Variants in PNKD observed in about 807,000 individuals in gnomAD.
PNKD encodes probable thioesterase PNKD.
In PNKD, 36 loss-of-function variants were observed where a neutral mutation model predicts 45.3. That is an observed-to-expected ratio of 0.80 (90% CI 0.61 to 1.05). PNKD has a LOEUF of 1.05. Among genes scored for constraint, PNKD ranks in the 50% least tolerant of loss-of-function variants. The pLI is 0.00. For missense variants in PNKD, 511 were observed against 506.6 expected, an observed-to-expected ratio of 1.01 and a Z score of -0.08; for synonymous variants, 197 against 210.1, an observed-to-expected ratio of 0.94 and a Z score of 0.54.
intron 6 of PNKD, 46 bp downstream of exon 6, chr2:218,341,672 T>TC: frequency 7.5e-7 from 1 of 1,336,150 alleles, no homozygotes; most frequent in Non-Finnish European, 1.1e-6. Flanking sequence ...ATGGGCCCTT[T>TC]CCCCCACCCC....
At chr2:218,333,455 C>T (rs575378388) in intron 2 of PNKD, among the ~76,000 whole-genome samples, 1 of 152,226 alleles carries the variant, frequency 6.6e-6, no homozygotes, top group African/African-American at 2.4e-5. Context: ...GGGAGGACTT[C>T]CTGGCTGAAT....
At chr2:218,293,580 C>CT (rs34887009) in intron 2 of PNKD, among the ~76,000 whole-genome samples, 40,892 of 98,644 alleles carry the variant, frequency 0.41, 9,091 homozygotes, top group Middle Eastern at 0.5. Context: ...ACTGAATGTC[C>CT]TTTTTTTTTT....
rs10607945 is a variant in PNKD, at chr2:218,273,647, A to AT, written c.236+2113dup. 6.9e-3 allele frequency among the ~76,000 whole-genome samples: 996 copies of AT among 143,482 alleles called. 13 individuals carry two copies. The highest frequency in any genetic ancestry group is 0.053 in the East Asian group (260 of 4,932). 94.1% of individuals were successfully genotyped at this position (143,482 alleles called of 152,430 possible). A position where few individuals can be genotyped will look rare whatever the true frequency, so the allele number is the denominator to read the frequency against. On this transcript the variant is annotated intron_variant, in intron 2 of 9. Transcript: ENST00000273077. ...AGGCACTCACCGCCACTCCCAGTTA[A>AT]TTTTTTTTTTTTTTTGTACTTTTAG...
intron 2 of PNKD, among the ~76,000 whole-genome samples, chr2:218,295,041 G>T (rs180771381): frequency 2.0e-4 from 30 of 152,248 alleles, no homozygotes; most frequent in Non-Finnish European, 3.4e-4. Flanking sequence ...ACATCTGCCC[G>T]ACTGGGGGAG....
At chr2:218,289,621 G>A (rs1436599689) in intron 2 of PNKD, among the ~76,000 whole-genome samples, 4 of 21,400 alleles carry the variant, frequency 1.9e-4, no homozygotes, top group East Asian at 1.8e-3. Flanking sequence ...CAGCCTGGGC[G>A]ACAGAAAAAA....
rs749547648 is a variant in PNKD at position 218,340,731 on chromosome 2, T to A, written c.469T>A (p.Ser157Thr). 2 of 1,613,682 alleles carry A rather than the reference T, an allele frequency of 1.2e-6. No individual in the cohort carries two copies. The highest frequency in any genetic ancestry group is 2.2e-5 in the South Asian group (2 of 91,070). The change falls in exon 5 of 10, where the codon TCC (serine) becomes ACC (threonine). Residue 157 changes from serine (S) to threonine (T), a missense_variant. Coordinates refer to ENST00000273077, the MANE Select transcript of PNKD (RefSeq NM_015488.5). This position sits in a 1 kb window ranked among gnomAD's most constrained non-coding sequence, Gnocchi z 4.2. ...CCAAACCTCCTCTCTCTCGCAGGCT[T>A]CCATTGAAAAGGAAGGGGTCACCTT... ...DPSDPRAVQASIEKEGVTLVA... is the reference protein window; with the variant it reads ...DPSDPRAVQATIEKEGVTLVA...
At chr2:218,277,579 C>G in intron 2 of PNKD, 1 of 1,612,796 alleles carries the variant, frequency 6.2e-7, no homozygotes, top group African/African-American at 1.3e-5. Flanking sequence ...CCAGGAACAC[C>G]CCACTCCCCA....
intron 2 of PNKD, among the ~76,000 whole-genome samples, chr2:218,288,927 C>T (rs1692733388): frequency 6.6e-6 from 1 of 152,172 alleles, no homozygotes; most frequent in African/African-American, 2.4e-5. Context: ...TATTCTTACC[C>T]TCATCCCACT....
chr2:218,271,322 C>A (rs1690821599), intron 1 of PNKD, 59 bp from the exon 2 acceptor site: 1 of 1,486,374 alleles, frequency 6.7e-7, no homozygotes, highest in Admixed American at 1.7e-5. Context: ...CTGCCCCCCA[C>A]CTCCCCGCTT....
At chr2:218,296,486 T>G (rs553182378) in intron 2 of PNKD, among the ~76,000 whole-genome samples, 3 of 152,220 alleles carry the variant, frequency 2.0e-5, no homozygotes, top group East Asian at 3.9e-4. Context: ...CAGGAAAAAC[T>G]TAATTGGAGC....
chr2:218,281,909 C>T (rs1387601416), intron 2 of PNKD: 2 of 1,547,434 alleles, frequency 1.3e-6, no homozygotes, highest in Non-Finnish European at 1.8e-6. Context: ...GTCCCTCCCA[C>T]CCACCTTCCA....
At chr2:218,273,267 T>C (rs2106180227) in intron 2 of PNKD, among the ~76,000 whole-genome samples, 1 of 116,262 alleles carries the variant, frequency 8.6e-6, no homozygotes, top group South Asian at 2.1e-4. Context: ...TCATTTGTTT[T>C]GTTTTTTGTT....
chr2:218,270,535 C>G lies in PNKD; in HGVS notation c.-1C>G, dbSNP rs765614612. 27 of 1,233,650 alleles carry G rather than the reference C, an allele frequency of 2.2e-5. No homozygotes were observed. Among genetic ancestry groups the G allele is most frequent in the Non-Finnish European group, 2.7e-5 (26 of 949,726 alleles). 76.4% of individuals were successfully genotyped at this position (1,233,650 alleles called of 1,614,324 possible). A position where few individuals can be genotyped will look rare whatever the true frequency, so the allele number is the denominator to read the frequency against. Reference sequence around the variant, plus strand: ...CGGTGAAGCGGGGGTGGGATCTGAACATGGCGGCGGTGGTAGCTGCTACGG... The same window carrying G: ...CGGTGAAGCGGGGGTGGGATCTGAAGATGGCGGCGGTGGTAGCTGCTACGG... On this transcript the variant is annotated 5_prime_UTR_variant, in exon 1 of 10. Transcript: ENST00000273077.
chr2:218,272,379 C>T (rs374593126), intron 2 of PNKD, among the ~76,000 whole-genome samples: 17 of 152,180 alleles, frequency 1.1e-4, no homozygotes, highest in Non-Finnish European at 1.9e-4. Context: ...GATGGAGTTA[C>T]GGGGTTTTAA....
chr2:218,277,731 G>A, intron 2 of PNKD: 1 of 1,607,340 alleles, frequency 6.2e-7, no homozygotes, highest in Admixed American at 1.7e-5. Flanking sequence ...AGGGTGCTGG[G>A]GGAGTGGCCA....
chr2:218,292,164 GGAACACGAGGACACCCCCA>G (rs1248389210), intron 2 of PNKD, among the ~76,000 whole-genome samples: 1 of 152,206 alleles, frequency 6.6e-6, no homozygotes. Context: ...CCCGAAAGAG[GGAACACGAGGACACCCCCA>G]GACCCTGGCT....
At chr2:218,337,834 C>T (rs1001098624) in intron 2 of PNKD, among the ~76,000 whole-genome samples, 6 of 152,118 alleles carry the variant, frequency 3.9e-5, no homozygotes, top group African/African-American at 1.2e-4. Context: ...TTGCAAGACA[C>T]AAGGTCAAAG....
chr2:218,309,620 C>T (rs1559519068), intron 2 of PNKD, among the ~76,000 whole-genome samples: 1 of 151,822 alleles, frequency 6.6e-6, no homozygotes, highest in African/African-American at 2.4e-5. Flanking sequence ...TTTGGATGCT[C>T]TTGGCTGCAG....
chr2:218,313,821 A>T (rs1340075615), intron 2 of PNKD, among the ~76,000 whole-genome samples: 1 of 151,992 alleles, frequency 6.6e-6, no homozygotes, highest in African/African-American at 2.4e-5. Flanking sequence ...TTAGAACTTC[A>T]GGATTTTATT....
Sources: gnomAD v4.1 joint callset for allele counts (sites outside exome capture counted in the v4.1 genomes callset) on GRCh38, gnomAD v4.1.1 for gene constraint, Gnocchi (gnomAD v3.1) non-coding constraint, MANE v1.5 for transcripts, NCBI Gene and HGNC (gene_info 2026-07-23, HGNC 2026-07-21) for gene names.